The following PPP6R3 variants were observed in gnomAD, a reference collection of about 807,000 sequenced individuals.
PPP6R3 encodes serine/threonine-protein phosphatase 6 regulatory subunit 3.
A neutral mutation model predicts 110.7 loss-of-function variants in PPP6R3; 38 were observed. That is an observed-to-expected ratio of 0.34 (90% CI 0.26 to 0.45). The LOEUF (loss-of-function observed/expected upper bound fraction) is 0.45, where lower values mean the gene tolerates loss of function less well. Among genes scored for constraint, PPP6R3 ranks in the 20% least tolerant of loss-of-function variants. PPP6R3 has a pLI of 1.00. For missense variants in PPP6R3, 870 were observed against 1,062.4 expected, an observed-to-expected ratio of 0.82 and a Z score of 2.52; for synonymous variants, 369 against 373.5, an observed-to-expected ratio of 0.99 and a Z score of 0.14.
intron 6 of PPP6R3, among the ~76,000 whole-genome samples, chr11:68,552,531 A>G (rs1021945563): frequency 1.3e-5 from 2 of 152,242 alleles, no homozygotes; most frequent in Non-Finnish European, 2.9e-5. Flanking sequence ...GGACACATCC[A>G]GTGCAGACAT....
At chr11:68,543,506 C>T (rs548822564) in intron 3 of PPP6R3, among the ~76,000 whole-genome samples, 42 of 152,204 alleles carry the variant, frequency 2.8e-4, no homozygotes, top group African/African-American at 9.2e-4. Flanking sequence ...TGTCAAGTGC[C>T]GTGGCTTTCT....
intron 1 of PPP6R3, among the ~76,000 whole-genome samples, chr11:68,464,267 G>A (rs1455053247): frequency 6.6e-6 from 1 of 152,136 alleles, no homozygotes; most frequent in Non-Finnish European, 1.5e-5. Flanking sequence ...TAGTGGCGGG[G>A]ATTACAGGCA....
chr11:68,592,365 T>C (rs1187469116), intron 18 of PPP6R3, among the ~76,000 whole-genome samples: 2 of 152,246 alleles, frequency 1.3e-5, no homozygotes, highest in Non-Finnish European at 2.9e-5. Context: ...CATTTACTTA[T>C]AATAAGTAAT....
intron 1 of PPP6R3, among the ~76,000 whole-genome samples, chr11:68,462,610 T>A (rs1187903766): frequency 6.6e-6 from 1 of 152,184 alleles, no homozygotes; most frequent in Non-Finnish European, 1.5e-5. Flanking sequence ...AAAGATAGTT[T>A]GGGAAATAGC....
At chr11:68,590,850 T>G (rs1453899441) in intron 17 of PPP6R3, 136 bp downstream of exon 17, 12 of 1,071,866 alleles carry the variant, frequency 1.1e-5, no homozygotes, top group Non-Finnish European at 1.5e-5. Flanking sequence ...TACTTCACTC[T>G]GTCCCACGGC....
chr11:68,519,265 T>A (rs1461774538), intron 1 of PPP6R3, among the ~76,000 whole-genome samples: 1 of 152,222 alleles, frequency 6.6e-6, no homozygotes, highest in Non-Finnish European at 1.5e-5. Flanking sequence ...TATTATGACA[T>A]CTGTATTTAC....
At chr11:68,471,306 A>T (rs1224772199) in intron 1 of PPP6R3, among the ~76,000 whole-genome samples, 7 of 151,408 alleles carry the variant, frequency 4.6e-5, no homozygotes, top group Non-Finnish European at 8.8e-5. Context: ...AAAAAGAAAA[A>T]GAAATAGGAG....
chr11:68,481,245 G>C (rs1411341748), intron 1 of PPP6R3, among the ~76,000 whole-genome samples: 1 of 152,136 alleles, frequency 6.6e-6, no homozygotes, highest in East Asian at 1.9e-4. Flanking sequence ...ACATAGGCTG[G>C]GGCTAGTACT....
chr11:68,469,401 AT>A lies in PPP6R3; in HGVS notation c.-158+8581del, dbSNP rs543703204. Among the ~76,000 whole-genome samples the A allele has an allele frequency of 5.3e-5, 8 of 151,780 alleles. No homozygotes were observed. The East Asian group carries it at 1.6e-3, about 29-fold the overall frequency. ...GGCTAGAGTGCAGTGGTTTTTGTTT[AT>A]TTTTTTGAGATAGAGTCCCAGGCTG... is the stretch of plus-strand genomic sequence containing the variant. On this transcript the variant is annotated intron_variant, in intron 1 of 23. Coordinates refer to ENST00000393800, the MANE Select transcript of PPP6R3 (RefSeq NM_001164161.2).
At chr11:68,502,744 G>A (rs541039264) in intron 1 of PPP6R3, among the ~76,000 whole-genome samples, 39 of 152,268 alleles carry the variant, frequency 2.6e-4, no homozygotes, top group Non-Finnish European at 4.0e-4. Flanking sequence ...GATGGGGAGG[G>A]CATGGTGAAG....
intron 14 of PPP6R3, among the ~76,000 whole-genome samples, chr11:68,580,644 G>C (rs1165082469): frequency 6.6e-6 from 1 of 151,792 alleles, no homozygotes; most frequent in Non-Finnish European, 1.5e-5. Flanking sequence ...TGCCTCAAAA[G>C]GAGTGTGTTT....
At chr11:68,514,029 A>G (rs531538161) in intron 1 of PPP6R3, among the ~76,000 whole-genome samples, 156 of 152,346 alleles carry the variant, frequency 1.0e-3, no homozygotes, top group African/African-American at 3.6e-3. Flanking sequence ...CTGATTGCAT[A>G]CAATTACCAC....
At chr11:68,529,217 T>G (rs559536644) in intron 2 of PPP6R3, among the ~76,000 whole-genome samples, 8 of 150,698 alleles carry the variant, frequency 5.3e-5, no homozygotes, top group Non-Finnish European at 8.9e-5. Context: ...TGTTTTTGGG[T>G]GTGTGTGTGT....
chr11:68,476,330 G>C (rs1565271733), intron 1 of PPP6R3, among the ~76,000 whole-genome samples: 1 of 152,134 alleles, frequency 6.6e-6, no homozygotes. Flanking sequence ...AGGCGTGGCG[G>C]CGCACGCCTG....
intron 20 of PPP6R3, among the ~76,000 whole-genome samples, chr11:68,601,064 G>A (rs144006259): frequency 6.6e-6 from 1 of 152,326 alleles, no homozygotes; most frequent in Non-Finnish European, 1.5e-5. Flanking sequence ...AGAATAGGCT[G>A]AAACCCATGT....
intron 15 of PPP6R3, 180 bp from the exon 16 acceptor site, chr11:68,587,747 C>A (rs747459774): frequency 8.8e-6 from 6 of 681,386 alleles, no homozygotes. Context: ...AAATTTCAAA[C>A]GTTTCCTTTT....
chr11:68,523,293 C>T (rs2099173447), intron 2 of PPP6R3, among the ~76,000 whole-genome samples: 1 of 152,150 alleles, frequency 6.6e-6, no homozygotes, highest in Admixed American at 6.6e-5. Flanking sequence ...TGCACTTGAC[C>T]TTCTCCGTAA....
chr11:68,609,488 C>G, intron 22 of PPP6R3: 10 of 1,113,178 alleles, frequency 9.0e-6, no homozygotes, highest in Non-Finnish European at 1.3e-5. Flanking sequence ...TTGACACCTT[C>G]ACCGAGTCTG....
chr11:68,561,467 T>G (rs2099419962), intron 8 of PPP6R3, among the ~76,000 whole-genome samples: 1 of 152,156 alleles, frequency 6.6e-6, no homozygotes, highest in African/African-American at 2.4e-5. Flanking sequence ...GAGGGCCGAC[T>G]GCAAGTAACA....
Sources: allele counts gnomAD v4.1 joint callset (sites outside exome capture counted in the v4.1 genomes callset), GRCh38; gene constraint gnomAD v4.1.1; transcripts MANE v1.5; gene names NCBI Gene and HGNC (gene_info 2026-07-23, HGNC 2026-07-21).